The following VSIG1 variants were observed in gnomAD, a reference collection of about 807,000 sequenced individuals.
VSIG1 encodes the protein V-set and immunoglobulin domain-containing protein 1.
Under a neutral mutation model 20.1 loss-of-function variants are expected in VSIG1, and 11 were observed. The ratio of observed to expected loss-of-function variants is 0.55; its 90% CI spans 0.34 to 0.91. The LOEUF is 0.91. Among genes scored for constraint, VSIG1 ranks in the 40% least tolerant of loss-of-function variants. VSIG1 has a pLI of 0.02. For missense variants in VSIG1, 283 were observed against 298.8 expected (o/e 0.95, Z 0.39); for synonymous variants, 126 against 116.7 (o/e 1.08, Z -0.52).
intron 2 of VSIG1, among the ~76,000 whole-genome samples, chrX:108,064,323 C>A (rs778190312): frequency 6.3e-5 from 7 of 111,500 alleles, no homozygotes; most frequent in African/African-American, 1.6e-4. Context: ...TCTCTAATAC[C>A]TTTTAGTGTC....
At chrX:108,062,006 G>C (rs1251445905) in intron 2 of VSIG1, among the ~76,000 whole-genome samples, 1 of 109,915 alleles carries the variant, frequency 9.1e-6, no homozygotes, top group African/African-American at 3.3e-5. Flanking sequence ...AATATGAACA[G>C]CTTTAGATAG....
the VSIG1 span, among the ~76,000 whole-genome samples, chrX:108,021,585 C>A: frequency 8.9e-6 from 1 of 112,251 alleles, no homozygotes; most frequent in Non-Finnish European, 1.9e-5. Flanking sequence ...ATTTTTAATT[C>A]TATTGCTTAT....
chrX:108,047,969 T>TATATATATAC (rs1569287479), intron 1 of VSIG1, among the ~76,000 whole-genome samples: 1 of 43,073 alleles, frequency 2.3e-5, no homozygotes, highest in Non-Finnish European at 4.2e-5. Context: ...CACATATATA[T>TATATATATAC]ATATATATAT....
Position 108,078,278 on chromosome X carries a change from T to C in VSIG1, c.*897T>C, listed in dbSNP as rs2031389434. On this transcript the variant is annotated 3_prime_UTR_variant, in exon 7 of 7. Transcript: ENST00000217957. ...TATTAGATTTCCCAAGAAATCACCC[T>C]GGTATCCAATATCTGAGCATGGCAA... 1 of 112,079 alleles carries C rather than the reference T, an allele frequency of 8.9e-6. No homozygotes were observed. The highest frequency in any genetic ancestry group is 3.2e-5 in the African/African-American group (1 of 30,822). The allele number at this position is 112,079 out of a possible 1,213,427, so 9.2% of individuals were successfully genotyped here. A position where few individuals can be genotyped will look rare whatever the true frequency, so the allele number is the denominator to read the frequency against.
At chrX:108,047,917 TACAC>T (rs386417380) in intron 1 of VSIG1, among the ~76,000 whole-genome samples, 3 of 53,833 alleles carry the variant, frequency 5.6e-5, no homozygotes, top group South Asian at 1.8e-3. Flanking sequence ...CATATATATA[TACAC>T]ATATATATAT....
At chrX:108,046,326 A>G (rs531254563) in intron 1 of VSIG1, among the ~76,000 whole-genome samples, 1 of 112,179 alleles carries the variant, frequency 8.9e-6, no homozygotes, top group African/African-American at 3.2e-5. Context: ...ACTAGGCCCT[A>G]GAGCTGGAAA....
Position 108,047,921 on chromosome X carries a change from CATATATAT to C in VSIG1, c.49+2748_49+2755del, listed in dbSNP as rs1216515432. On this transcript the variant is annotated intron_variant, in intron 1 of 6. Transcript: ENST00000217957. ...ATATATATACACATATATATATACA[CATATATAT>C]ATATACACATATATATATATATATA... Among the ~76,000 whole-genome samples the C allele has an allele frequency of 4.1e-3, 252 of 60,873 alleles. 42 individuals are homozygous for C. The highest frequency in any genetic ancestry group is 0.021 in the African/African-American group (236 of 11,164). 52.9% of individuals were successfully genotyped at this position (60,873 alleles called of 115,157 possible).
In VSIG1 at chrX:108,047,981, T is replaced by TATATATATATATATATACAC. The variant is rs2030691497; in HGVS notation, c.49+2819_49+2820insCACATATATATATATATATA. ...ACACACATATATATATATATATATA[T>TATATATATATATATATACAC]ATATATATATATATATATATACACA... On this transcript the variant is annotated intron_variant, in intron 1 of 6. Transcript: ENST00000217957. 9.1e-5 allele frequency among the ~76,000 whole-genome samples: 6 copies of TATATATATATATATATACAC among 66,109 alleles called. 1 individual carries two copies. Among genetic ancestry groups the TATATATATATATATATACAC allele is most frequent in the African/African-American group, 1.3e-4 (2 of 14,839 alleles). The allele number at this position is 66,109 out of a possible 115,157, so 57.4% of individuals were successfully genotyped here.
chrX:108,040,270 G>A (rs1569285506), upstream of VSIG1, among the ~76,000 whole-genome samples: 8 of 111,661 alleles, frequency 7.2e-5, no homozygotes, highest in Admixed American at 5.7e-4. Context: ...CCTCTACAAA[G>A]AGGCCCAACC....
rs185610464 is a variant in VSIG1 at position 108,072,619 on chromosome X, A to G, written c.413-58A>G. ...AAATGAAAGTGAGGAAGTGACTGCA[A>G]TTGTCACAGAATGCCATTCATCCTA... On this transcript the variant is annotated intron_variant, in intron 3 of 6. Transcript: ENST00000217957. The G allele has an allele frequency of 2.3e-4, 245 of 1,063,608 alleles. No homozygotes were observed. In the African/African-American group the frequency reaches 3.2e-3, roughly 14 times the overall value. 87.7% of individuals were successfully genotyped at this position (1,063,608 alleles called of 1,213,427 possible).
chrX:108,059,421 A>G (rs180972890), intron 2 of VSIG1, among the ~76,000 whole-genome samples: 1 of 111,613 alleles, frequency 9.0e-6, no homozygotes, highest in African/African-American at 3.3e-5. Context: ...AAGTTAAACA[A>G]TTTTGCTCAA....
intron 3 of VSIG1, among the ~76,000 whole-genome samples, chrX:108,067,607 T>A (rs1311487943): frequency 2.7e-5 from 3 of 112,593 alleles, no homozygotes; most frequent in African/African-American, 9.7e-5. Context: ...AAAATGCTAA[T>A]GTTATTTGGA....
intron 1 of VSIG1, among the ~76,000 whole-genome samples, chrX:108,052,871 T>C (rs2030815083): frequency 9.0e-6 from 1 of 111,664 alleles, no homozygotes; most frequent in South Asian, 3.7e-4. Context: ...ATAGGCTCTT[T>C]CTCAGTTTTC....
rs1569287466 is a variant in VSIG1, at chrX:108,047,967, T to TATATATATATATACAC, written c.49+2801_49+2802insCACATATATATATATA. Among the ~76,000 whole-genome samples the TATATATATATATACAC allele has an allele frequency of 3.9e-3, 105 of 27,092 alleles. 10 individuals carry two copies. Among genetic ancestry groups the TATATATATATATACAC allele is most frequent in the African/African-American group, 0.017 (93 of 5,556 alleles). 23.5% of individuals were successfully genotyped at this position (27,092 alleles called of 115,157 possible). A position where few individuals can be genotyped will look rare whatever the true frequency, so the allele number is the denominator to read the frequency against. ...ATATATATATATACACACACATATATATATATATATATATATATATATATA... is the reference window on the plus strand; with the variant it reads ...ATATATATATATACACACACATATATATATATATATATACACATATATATATATATATATATATATA... On this transcript the variant is annotated intron_variant, in intron 1 of 6. Transcript: ENST00000217957.
chrX:108,079,172 C>T lies in VSIG1; in HGVS notation c.*1791C>T, dbSNP rs1161320322. 1 of 112,291 alleles carries T rather than the reference C, an allele frequency of 8.9e-6. No homozygotes were observed. Among genetic ancestry groups the T allele is most frequent in the East Asian group, 2.8e-4 (1 of 3,605 alleles). The allele number at this position is 112,291 out of a possible 1,213,427, so 9.3% of individuals were successfully genotyped here. A position where few individuals can be genotyped will look rare whatever the true frequency, so the allele number is the denominator to read the frequency against. ...TAGCATTTATGTATAATAAACCAGA[C>T]ATTTAAAGTGTACAATTTGATGAGT... is the stretch of plus-strand genomic sequence containing the variant. On this transcript the variant is annotated 3_prime_UTR_variant, in exon 7 of 7. Transcript: ENST00000217957.
chrX:108,068,941 G>A (rs1555982464), intron 3 of VSIG1, among the ~76,000 whole-genome samples: 1 of 111,535 alleles, frequency 9.0e-6, no homozygotes, highest in South Asian at 3.8e-4. Context: ...TTCTTTACAG[G>A]TTTGTTATGA....
chrX:108,061,138 G>A (rs2031011071), intron 2 of VSIG1, among the ~76,000 whole-genome samples: 1 of 112,703 alleles, frequency 8.9e-6, no homozygotes, highest in South Asian at 3.7e-4. Flanking sequence ...CTGTGTTGAG[G>A]TGGTATTTTT....
intron 3 of VSIG1, among the ~76,000 whole-genome samples, chrX:108,068,827 A>C (rs1042084498): frequency 8.9e-6 from 1 of 112,086 alleles, no homozygotes; most frequent in African/African-American, 3.2e-5. Flanking sequence ...ACTGGCACTC[A>C]GAAGACCTGA....
rs376545734 is a variant in VSIG1 at position 108,072,755 on chromosome X, C to G, written c.491C>G (p.Ala164Gly). The change falls in exon 4 of 7, where the codon GCG (alanine) becomes GGG (glycine). Residue 164 changes from alanine to glycine, a missense_variant. Transcript: ENST00000217957. ...ACTATTTCCCTTTCCTGTCTCTCTG[C>G]GCTTGGAACACCTTCCCCTGTGTAC... ...GHTISLSCLS[A>G]LGTPSPVYYW... 1 of 1,210,072 alleles carries G rather than the reference C, an allele frequency of 8.3e-7. No homozygotes were observed. The highest frequency in any genetic ancestry group is 1.1e-6 in the Non-Finnish European group (1 of 894,409).
Sources: gnomAD v4.1 joint callset for allele counts (sites outside exome capture counted in the v4.1 genomes callset) on GRCh38, gnomAD v4.1.1 for gene constraint, MANE v1.5 for transcripts, NCBI Gene and HGNC (gene_info 2026-07-23, HGNC 2026-07-21) for gene names.